AGPAT3: variants seen among roughly 807,000 people sequenced by gnomAD.
AGPAT3 encodes 1-acyl-sn-glycerol-3-phosphate acyltransferase gamma.
A neutral mutation model predicts 47.3 loss-of-function variants in AGPAT3; 5 were observed. The ratio of observed to expected loss-of-function variants is 0.11; its 90% CI spans 0.06 to 0.22. The LOEUF (loss-of-function observed/expected upper bound fraction) is 0.22, where lower values mean the gene tolerates loss of function less well. Among genes scored for constraint, AGPAT3 ranks in the 10% least tolerant of loss-of-function variants. AGPAT3 has a pLI of 1.00. For synonymous variants in AGPAT3, 212 were observed against 208.3 expected (o/e 1.02, Z -0.15); for missense variants, 315 against 493.0 (o/e 0.64, Z 3.42).
Position 43,959,771 on chromosome 21 carries a change from C to A in AGPAT3, c.90C>A (p.Phe30Leu), listed in dbSNP as rs1408673418. ...TGGTGAGTGGTCTGGTCATCAACTT[C>A]GTCCAGCTGTGCACGCTGGCGCTCT... Reference protein sequence around the residue: ...VFVVSGLVINFVQLCTLALWP... With the variant: ...VFVVSGLVINLVQLCTLALWP... The change falls in exon 3 of 10, where the codon TTC (phenylalanine) becomes TTA (leucine). Residue 30 changes from phenylalanine (F) to leucine (L), a missense_variant. Transcript: ENST00000291572. 6.2e-7 allele frequency: 1 copy of A among 1,613,788 alleles called. No homozygotes were observed. Among genetic ancestry groups the A allele is most frequent in the African/African-American group, 1.3e-5 (1 of 75,028 alleles).
chr21:43,892,684 A>G (rs1486632924), intron 1 of AGPAT3, among the ~76,000 whole-genome samples: 2 of 152,218 alleles, frequency 1.3e-5, no homozygotes, highest in Non-Finnish European at 2.9e-5. Context: ...TTAGCCCCTA[A>G]CAAGAAAGTC....
rs1193511473 is a variant in AGPAT3, at chr21:43,984,169, G to A, written c.*1777G>A. On this transcript the variant is annotated 3_prime_UTR_variant, in exon 10 of 10. Transcript: ENST00000291572. ...CATGCGAGACACGCTTGCAGACACT[G>A]TTGTTTTGGAAATGTGCTTCCCTCC... 1.3e-5 allele frequency: 2 copies of A among 152,316 alleles called. No homozygotes were observed. Among genetic ancestry groups the A allele is most frequent in the Non-Finnish European group, 2.9e-5 (2 of 68,080 alleles). 9.4% of individuals were successfully genotyped at this position (152,316 alleles called of 1,614,324 possible).
rs142996531 is a variant in AGPAT3, at chr21:43,927,488, T to G, written c.-49+23469T>G. On this transcript the variant is annotated intron_variant, in intron 2 of 9. Coordinates refer to ENST00000291572, the MANE Select transcript of AGPAT3 (RefSeq NM_020132.5). The stretch of plus-strand genomic sequence containing the variant: ...TCTTCCCAGTCCATTGAGACCTGAT[T>G]TTAGAAGTTAGCAAAAGGAAGCTCT... Among the ~76,000 whole-genome samples, 295 of 152,236 alleles carry G rather than the reference T, an allele frequency of 1.9e-3. 3 individuals are homozygous for G. The highest frequency in any genetic ancestry group is 0.015 in the Admixed American group (227 of 15,282).
rs569620398 is a variant in AGPAT3, at chr21:43,922,430, C to T, written c.-49+18411C>T. On this transcript the variant is annotated intron_variant, in intron 2 of 9. Transcript: ENST00000291572. This position sits in a 1 kb window ranked among gnomAD's most constrained non-coding sequence, Gnocchi z 4.9. Reference sequence around the variant, plus strand: ...AGGAGGCTGCTGGCTTGTGACCCTCCTTAACCCCACCCTCAAGGCAGGCAG... The same window carrying T: ...AGGAGGCTGCTGGCTTGTGACCCTCTTTAACCCCACCCTCAAGGCAGGCAG... 1.1e-4 allele frequency among the ~76,000 whole-genome samples: 16 copies of T among 152,170 alleles called. No individual in the cohort carries two copies. In the East Asian group the frequency reaches 2.7e-3, roughly 26 times the overall value.
intron 7 of AGPAT3, among the ~76,000 whole-genome samples, chr21:43,975,406 TG>T (rs1162619854): frequency 6.6e-6 from 1 of 152,012 alleles, no homozygotes; most frequent in African/African-American, 2.4e-5. Context: ...TGGTGTGTGG[TG>T]GGTGCTGGTG....
chr21:43,898,806 C>T (rs561349556), intron 1 of AGPAT3, among the ~76,000 whole-genome samples: 48 of 152,298 alleles, frequency 3.2e-4, no homozygotes, highest in African/African-American at 8.2e-4. Context: ...GTATTACAGG[C>T]GTGAGCCACC....
At chr21:43,935,464 C>A (rs1194352656) in intron 2 of AGPAT3, among the ~76,000 whole-genome samples, 2 of 152,260 alleles carry the variant, frequency 1.3e-5, no homozygotes, top group Non-Finnish European at 2.9e-5. Flanking sequence ...ATAGGCCCCA[C>A]AATGTCCCCA....
chr21:43,972,424 G>A (rs985093925), intron 7 of AGPAT3, among the ~76,000 whole-genome samples: 1 of 152,204 alleles, frequency 6.6e-6, no homozygotes, highest in Non-Finnish European at 1.5e-5. Flanking sequence ...GGGATTACAG[G>A]TGTGAGCCAC....
At chr21:43,978,006 G>C in intron 7 of AGPAT3, 40 bp from the exon 8 acceptor site, 1 of 1,549,860 alleles carries the variant, frequency 6.5e-7, no homozygotes, top group Non-Finnish European at 8.9e-7. Context: ...GTGAGGTCAT[G>C]TGGTGATTCA....
intron 5 of AGPAT3, 110 bp downstream of exon 5, chr21:43,969,389 A>T: frequency 7.2e-7 from 1 of 1,382,990 alleles, no homozygotes; most frequent in African/African-American, 1.4e-5. Context: ...GAGCCTCTGC[A>T]CATGGGGTGC....
At chr21:43,895,593 T>A (rs576401695) in intron 1 of AGPAT3, among the ~76,000 whole-genome samples, 4 of 151,728 alleles carry the variant, frequency 2.6e-5, no homozygotes, top group Middle Eastern at 3.4e-3. Flanking sequence ...GATCACTTTT[T>A]AAAAAAAAAT....
At position 43,939,385 on chromosome 21, in the gene AGPAT3, C is replaced by T. The variant is rs1409336167; in HGVS notation, c.-48-20249C>T. Among the ~76,000 whole-genome samples the T allele has an allele frequency of 6.6e-6, 1 of 152,140 alleles. No homozygotes were observed. Among genetic ancestry groups the T allele is most frequent in the Non-Finnish European group, 1.5e-5 (1 of 68,028 alleles). On this transcript the variant is annotated intron_variant, in intron 2 of 9. Transcript: ENST00000291572. The surrounding 1 kb of genome is among the most constrained non-coding windows in gnomAD (Gnocchi z 4.4). ...AGGGCGATGCTCTGGTCCCTGGGTCCTTTGATCTCATCTCCCTAGTTTAGC... is the reference window on the plus strand; with the variant it reads ...AGGGCGATGCTCTGGTCCCTGGGTCTTTTGATCTCATCTCCCTAGTTTAGC...
chr21:43,872,841 G>A (rs914921391), intron 1 of AGPAT3, among the ~76,000 whole-genome samples: 7 of 152,198 alleles, frequency 4.6e-5, no homozygotes, highest in Non-Finnish European at 8.8e-5. Flanking sequence ...GTTCTGAATC[G>A]TCCCACTCTG....
rs1292200405 is a variant in AGPAT3 at position 43,920,287 on chromosome 21, AGT to A, written c.-49+16278_-49+16279del. Among the ~76,000 whole-genome samples, 4 of 151,414 alleles carry A rather than the reference AGT, an allele frequency of 2.6e-5. No homozygotes were observed. Among genetic ancestry groups the A allele is most frequent in the Admixed American group, 6.6e-5 (1 of 15,210 alleles). On this transcript the variant is annotated intron_variant, in intron 2 of 9. Coordinates refer to ENST00000291572, the MANE Select transcript of AGPAT3 (RefSeq NM_020132.5). The surrounding 1 kb of genome is among the most constrained non-coding windows in gnomAD (Gnocchi z 6.1). ...TAAAGCGTGAATGTGTCAGTGTGAGAGTGTGTGTGTGCGTGTGAGTGTTGAAT... is the reference window on the plus strand; with the variant it reads ...TAAAGCGTGAATGTGTCAGTGTGAGAGTGTGTGTGCGTGTGAGTGTTGAAT...
intron 5 of AGPAT3, among the ~76,000 whole-genome samples, chr21:43,969,739 C>T (rs540408927): frequency 1.3e-5 from 2 of 152,084 alleles, no homozygotes; most frequent in South Asian, 2.1e-4. Context: ...GCTCTGTCGC[C>T]CAGGCTGGAG....
chr21:43,882,277 G>A (rs764474226), intron 1 of AGPAT3, among the ~76,000 whole-genome samples: 2 of 152,260 alleles, frequency 1.3e-5, no homozygotes, highest in Non-Finnish European at 2.9e-5. Flanking sequence ...AGTGCTCTGT[G>A]TTATTAATAA....
chr21:43,953,391 G>A (rs546758117), intron 2 of AGPAT3, among the ~76,000 whole-genome samples: 2 of 152,346 alleles, frequency 1.3e-5, no homozygotes, highest in Admixed American at 1.3e-4. Context: ...GTCCTGATTC[G>A]TAGGAGATGT....
chr21:43,921,707 C>T (rs548652922), intron 2 of AGPAT3, among the ~76,000 whole-genome samples: 4 of 152,276 alleles, frequency 2.6e-5, no homozygotes, highest in Admixed American at 2.0e-4. Flanking sequence ...GAAGTCACTT[C>T]GCTGGGTCCG....
rs146991617 is a variant in AGPAT3, at chr21:43,895,485, C to T, written c.-111-8472C>T. 5.9e-4 allele frequency among the ~76,000 whole-genome samples: 88 copies of T among 149,238 alleles called. 1 individual carries two copies. In the East Asian group the frequency reaches 0.013, roughly 21 times the overall value. On this transcript the variant is annotated intron_variant, in intron 1 of 9. Coordinates refer to ENST00000291572, the MANE Select transcript of AGPAT3 (RefSeq NM_020132.5). ...CTCCCCTTAGGAACTGTTTAGGCTG[C>T]GTCAGCCTATATGTAGTGACAGGAT... is the stretch of plus-strand genomic sequence containing the variant.
Sources: allele counts gnomAD v4.1 joint callset (sites outside exome capture counted in the v4.1 genomes callset), GRCh38; gene constraint gnomAD v4.1.1; non-coding constraint Gnocchi (gnomAD v3.1); transcripts MANE v1.5; gene names NCBI Gene and HGNC (gene_info 2026-07-23, HGNC 2026-07-21).